The following DPYD variants were observed in gnomAD, a reference collection of about 807,000 sequenced individuals.
DPYD encodes dihydropyrimidine dehydrogenase.
A neutral mutation model predicts 116.2 loss-of-function variants in DPYD; 109 were observed. The observed-to-expected ratio is 0.94, with a 90% CI of 0.80 to 1.10. DPYD has a LOEUF of 1.10. Ranked by LOEUF, DPYD falls within the 50% of genes least tolerant of loss-of-function variation. The probability of loss-of-function intolerance (pLI) is 0.00; values close to 1 mark genes in which losing one functional copy is unlikely to be tolerated. For missense variants in DPYD, 1,302 were observed against 1,254.5 expected, an observed-to-expected ratio of 1.04 and a Z score of -0.57; for synonymous variants, 440 against 432.0, an observed-to-expected ratio of 1.02 and a Z score of -0.23.
At chr1:97,368,307 C>A (rs978183132) in intron 16 of DPYD, among the ~76,000 whole-genome samples, 11 of 152,052 alleles carry the variant, frequency 7.2e-5, no homozygotes, top group Non-Finnish European at 1.6e-4. Flanking sequence ...CTTTTCTGGT[C>A]CTTAATTCCT....
intron 13 of DPYD, among the ~76,000 whole-genome samples, chr1:97,464,567 G>A (rs1044861217): frequency 6.6e-6 from 1 of 152,150 alleles, no homozygotes; most frequent in African/African-American, 2.4e-5. Context: ...CTGTGCCCCA[G>A]CAACCCCAGC....
intron 18 of DPYD, among the ~76,000 whole-genome samples, chr1:97,286,723 G>C (rs1570430414): frequency 6.6e-6 from 1 of 152,244 alleles, no homozygotes; most frequent in Admixed American, 6.5e-5. Context: ...GGCTCCTGAG[G>C]CTTCTGCATT....
At chr1:97,785,551 C>A (rs1666970304) in intron 3 of DPYD, among the ~76,000 whole-genome samples, 1 of 152,064 alleles carries the variant, frequency 6.6e-6, no homozygotes. Context: ...GTTTTTATAG[C>A]AGTTCTCCAA....
At chr1:97,118,811 C>T (rs1173769090) in intron 20 of DPYD, among the ~76,000 whole-genome samples, 1 of 150,094 alleles carries the variant, frequency 6.7e-6, no homozygotes, top group Non-Finnish European at 1.5e-5. Flanking sequence ...CATTTATTTG[C>T]TTCAAAACTT....
chr1:97,401,281 T>C (rs1208992918), intron 14 of DPYD, among the ~76,000 whole-genome samples: 1 of 152,114 alleles, frequency 6.6e-6, no homozygotes, highest in Non-Finnish European at 1.5e-5. Flanking sequence ...CTCATTCTCT[T>C]GACATTATCT....
chr1:97,386,295 T>TC (rs397792187), intron 14 of DPYD, among the ~76,000 whole-genome samples: 6 of 151,546 alleles, frequency 4.0e-5, no homozygotes, highest in East Asian at 1.9e-4. Context: ...TTTTTTTTTT[T>TC]CTCCTTGGTC....
At chr1:97,180,437 A>G (rs1363468572) in intron 20 of DPYD, among the ~76,000 whole-genome samples, 2 of 152,146 alleles carry the variant, frequency 1.3e-5, no homozygotes, top group Non-Finnish European at 2.9e-5. Context: ...CCATAAAATG[A>G]GGATTGGGAA....
At chr1:97,660,809 T>G (rs1659211605) in intron 8 of DPYD, among the ~76,000 whole-genome samples, 1 of 152,192 alleles carries the variant, frequency 6.6e-6, no homozygotes, top group South Asian at 2.1e-4. Context: ...AAAATATCCT[T>G]TCAACTTTCA....
At chr1:97,098,404 T>A in intron 21 of DPYD, 85 bp downstream of exon 21, 1 of 1,502,566 alleles carries the variant, frequency 6.7e-7, no homozygotes, top group Admixed American at 1.7e-5. Flanking sequence ...TAGTGATACA[T>A]TTAAGCAGTA....
chr1:97,408,132 G>T (rs1408017900), intron 14 of DPYD, among the ~76,000 whole-genome samples: 2 of 152,102 alleles, frequency 1.3e-5, no homozygotes, highest in Non-Finnish European at 2.9e-5. Flanking sequence ...ATCCAGGCTG[G>T]ACTATAAATG....
At chr1:97,266,021 G>T (rs533830261) in intron 18 of DPYD, among the ~76,000 whole-genome samples, 8 of 152,286 alleles carry the variant, frequency 5.3e-5, no homozygotes, top group African/African-American at 1.9e-4. Flanking sequence ...AAAGTCACAT[G>T]AATTTAGACA....
chr1:97,876,366 C>T (rs1671919979), intron 2 of DPYD, among the ~76,000 whole-genome samples: 1 of 151,936 alleles, frequency 6.6e-6, no homozygotes, highest in Non-Finnish European at 1.5e-5. Context: ...GGGCCAGTAA[C>T]AGGGTGAAGT....
intron 16 of DPYD, among the ~76,000 whole-genome samples, chr1:97,340,933 T>C (rs1217918007): frequency 1.3e-5 from 2 of 152,202 alleles, no homozygotes; most frequent in Non-Finnish European, 2.9e-5. Flanking sequence ...AAAATAGCTG[T>C]TTTATACATT....
At chr1:97,412,937 T>C (rs1395350645) in intron 14 of DPYD, among the ~76,000 whole-genome samples, 1 of 152,176 alleles carries the variant, frequency 6.6e-6, no homozygotes, top group Non-Finnish European at 1.5e-5. Context: ...TAAAAGCCTG[T>C]GATGAGGATT....
chr1:97,080,305 G>C (rs546352521), intron 22 of DPYD, among the ~76,000 whole-genome samples: 12 of 151,800 alleles, frequency 7.9e-5, no homozygotes, highest in Non-Finnish European at 1.6e-4. Context: ...TCAAGGAATT[G>C]CATTATTTTG....
intron 20 of DPYD, among the ~76,000 whole-genome samples, chr1:97,103,847 A>C (rs1380977779): frequency 6.6e-6 from 1 of 152,144 alleles, no homozygotes; most frequent in Non-Finnish European, 1.5e-5. Context: ...TGCAAAATGC[A>C]TGCCTGCCAA....
Position 97,763,561 on chromosome 1 carries a change from A to G in DPYD, c.234-23082T>C, listed in dbSNP as rs144081148. 5.9e-5 allele frequency among the ~76,000 whole-genome samples: 9 copies of G among 152,076 alleles called. No individual in the cohort carries two copies. The East Asian group carries it at 1.7e-3, about 29-fold the overall frequency. Reference sequence around the variant, plus strand: ...AAGAAAGGAAAATGAAAGGATTTTAACTATTATATCCAACAACATACTCTT... The same window carrying G: ...AAGAAAGGAAAATGAAAGGATTTTAGCTATTATATCCAACAACATACTCTT... On this transcript the variant is annotated intron_variant, in intron 3 of 22. Transcript: ENST00000370192.
At chr1:97,690,890 G>A (rs1420321860) in intron 7 of DPYD, among the ~76,000 whole-genome samples, 1 of 151,948 alleles carries the variant, frequency 6.6e-6, no homozygotes, top group Non-Finnish European at 1.5e-5. Flanking sequence ...ATATTTTTTT[G>A]AGTGTTTTCT....
chr1:97,708,634 T>C (rs1415506556), intron 5 of DPYD, among the ~76,000 whole-genome samples: 2 of 152,030 alleles, frequency 1.3e-5, no homozygotes, highest in Non-Finnish European at 2.9e-5. Context: ...TTTGCCTCTC[T>C]ATATAAACTT....
Sources: allele counts gnomAD v4.1 joint callset (sites outside exome capture counted in the v4.1 genomes callset), GRCh38; gene constraint gnomAD v4.1.1; transcripts MANE v1.5; gene names NCBI Gene and HGNC (gene_info 2026-07-23, HGNC 2026-07-21).